The following ALLC variants were observed in gnomAD, a reference collection of about 807,000 sequenced individuals.
ALLC encodes probable inactive allantoicase.
ALLC carries 40 observed loss-of-function variants against 45.0 expected under a neutral mutation model. That is an observed-to-expected ratio of 0.89 (90% CI 0.69 to 1.16). The LOEUF (loss-of-function observed/expected upper bound fraction) is 1.16, where lower values mean the gene tolerates loss of function less well. Ranked by LOEUF, ALLC falls within the 50% of genes most tolerant of loss-of-function variation. The probability of loss-of-function intolerance (pLI) is 0.00; values close to 1 mark genes in which losing one functional copy is unlikely to be tolerated. For synonymous variants in ALLC, 176 were observed against 178.1 expected (o/e 0.99, Z 0.09); for missense variants, 488 against 493.1 (o/e 0.99, Z 0.10).
intron 1 of ALLC, among the ~76,000 whole-genome samples, chr2:3,664,892 AAAAC>A: frequency 6.6e-6 from 1 of 151,664 alleles, no homozygotes; most frequent in East Asian, 1.9e-4. Context: ...TCCAAAAAAA[AAAAC>A]AAAACCAAAA....
chr2:3,679,874 G>A lies in ALLC; in HGVS notation c.178G>A (p.Asp60Asn), dbSNP rs374089815. The A allele has an allele frequency of 1.2e-6, 2 of 1,613,884 alleles. No homozygotes were observed. The highest frequency in any genetic ancestry group is 1.7e-6 in the Non-Finnish European group (2 of 1,179,882). Residue 60 changes from aspartate (D) to asparagine (N), a missense_variant, in exon 5 of 12, where the codon GAC becomes AAC. By Grantham distance (23) the Asp-to-Asn change is conservative. Transcript: ENST00000252505. ...TTGTCCTCTGTGTTGCGCAGGTCACGACTGGTGTGTCCTCAGGCTGGGGAT... is the reference window on the plus strand; with the variant it reads ...TTGTCCTCTGTGTTGCGCAGGTCACAACTGGTGTGTCCTCAGGCTGGGGAT... ...ETRRKRIPGH[D>N]WCVLRLGIQG...
At chr2:3,647,073 T>C in the ALLC span, among the ~76,000 whole-genome samples, 1 of 151,950 alleles carries the variant, frequency 6.6e-6, no homozygotes, top group Admixed American at 6.6e-5. Context: ...GCACCCCTCA[T>C]CCCCCCATTG....
upstream of ALLC, among the ~76,000 whole-genome samples, chr2:3,656,204 G>A (rs769374766): frequency 5.9e-5 from 9 of 152,232 alleles, no homozygotes; most frequent in South Asian, 2.1e-4. Context: ...GGGAGGCCGG[G>A]GATGGCGGCA....
In ALLC at chr2:3,695,855, ACCCAAACAATATAATAGGTAAGATGAT is replaced by A; in HGVS notation, c.651_667+10del. On this transcript the variant is annotated splice_donor_variant and splice_donor_5th_base_variant and coding_sequence_variant and intron_variant, in exon 8 of 12. Transcript: ENST00000252505. LOFTEE classifies it high-confidence loss of function. ...GGATTTAGTAATGCTAAGTTTGGGC[ACCCAAACAATATAATAGGTAAGATGAT>A]ATTCTTGGAGCTGGCTTATTTAGGA... The A allele has an allele frequency of 6.2e-7, 1 of 1,611,092 alleles. No individual in the cohort carries two copies.
intron 7 of ALLC, among the ~76,000 whole-genome samples, chr2:3,692,355 T>C (rs903326746): frequency 2.4e-4 from 37 of 152,210 alleles, no homozygotes; most frequent in Admixed American, 2.4e-3. Flanking sequence ...ACACTAACGA[T>C]AGCTGATGAG....
In ALLC at chr2:3,701,592, A is replaced by T. The variant is rs1227243068; in HGVS notation, c.931A>T (p.Ile311Phe). The T allele has an allele frequency of 6.2e-7, 1 of 1,610,440 alleles. No homozygotes were observed. Among genetic ancestry groups the T allele is most frequent in the Admixed American group, 1.7e-5 (1 of 59,692 alleles). The part of the protein sequence containing the change: ...EEEAVIRQKW[I>F]LPAHKWKPLL... ...AGAAGCCGTGATCAGGCAAAAGTGGATTCTCCCGGCCCACAAGTGGAAACC... is the reference window on the plus strand; with the variant it reads ...AGAAGCCGTGATCAGGCAAAAGTGGTTTCTCCCGGCCCACAAGTGGAAACC... Residue 311 changes from isoleucine to phenylalanine, a missense_variant, in exon 11 of 12, where the codon ATT becomes TTT. Ile to Phe is a conservative substitution (Grantham distance 21, BLOSUM62 0). Transcript: ENST00000252505.
At chr2:3,663,259 A>G (rs1219679724) in intron 1 of ALLC, among the ~76,000 whole-genome samples, 2 of 152,236 alleles carry the variant, frequency 1.3e-5, no homozygotes, top group East Asian at 3.8e-4. Flanking sequence ...AGATGAGATC[A>G]TGTCCTTTGT....
chr2:3,682,267 G>C (rs1320869595), intron 6 of ALLC, among the ~76,000 whole-genome samples: 1 of 152,208 alleles, frequency 6.6e-6, no homozygotes, highest in Non-Finnish European at 1.5e-5. Context: ...CAGGCCAGCA[G>C]ATTTCCCCAG....
At chr2:3,668,254 C>T (rs1446435190) in intron 1 of ALLC, among the ~76,000 whole-genome samples, 1 of 152,114 alleles carries the variant, frequency 6.6e-6, no homozygotes, top group African/African-American at 2.4e-5. Context: ...AGCAAACACA[C>T]AGCTGTGTGG....
At chr2:3,702,222 A>C (rs1156580354) in intron 11 of ALLC, 141 bp from the exon 12 acceptor site, 3 of 641,168 alleles carry the variant, frequency 4.7e-6, no homozygotes, top group Non-Finnish European at 7.7e-6. Flanking sequence ...TTTCATGGAA[A>C]GCCCAATTAT....
At chr2:3,681,754 T>A in intron 6 of ALLC, 41 bp downstream of exon 6, 1 of 1,504,438 alleles carries the variant, frequency 6.6e-7, no homozygotes, top group Non-Finnish European at 9.1e-7. Context: ...TCACCAATTA[T>A]TAGGAGAGTA....
chr2:3,654,720 G>A (rs1399857581), upstream of ALLC, among the ~76,000 whole-genome samples: 1 of 152,222 alleles, frequency 6.6e-6, no homozygotes, highest in Non-Finnish European at 1.5e-5. Context: ...TGTCTTTTCT[G>A]CGTGTTTCCC....
At chr2:3,648,338 C>A in the ALLC span, among the ~76,000 whole-genome samples, 2 of 152,200 alleles carry the variant, frequency 1.3e-5, no homozygotes, top group Non-Finnish European at 2.9e-5. Flanking sequence ...TTCACATGCT[C>A]GAGGCTGCTC....
intron 3 of ALLC, 37 bp from the exon 4 acceptor site, chr2:3,678,431 A>T (rs1160703633): frequency 6.5e-7 from 1 of 1,533,568 alleles, no homozygotes; most frequent in Non-Finnish European, 9.0e-7. Context: ...AGATCACATG[A>T]ATGTTAATGA....
At chr2:3,666,190 G>A (rs1666720687) in intron 1 of ALLC, among the ~76,000 whole-genome samples, 1 of 152,238 alleles carries the variant, frequency 6.6e-6, no homozygotes, top group African/African-American at 2.4e-5. Flanking sequence ...ACCACAGGGG[G>A]GTGGCTGGGA....
chr2:3,653,288 T>C (rs1572497144), upstream of ALLC, among the ~76,000 whole-genome samples: 1 of 152,292 alleles, frequency 6.6e-6, no homozygotes, highest in East Asian at 1.9e-4. The surrounding 1 kb of genome is among the most constrained non-coding windows in gnomAD (Gnocchi z 4.1). Context: ...TGGAGTTCCA[T>C]TGCACAGGGG....
intron 1 of ALLC, among the ~76,000 whole-genome samples, chr2:3,666,186 G>A (rs910391627): frequency 6.6e-6 from 1 of 152,204 alleles, no homozygotes; most frequent in African/African-American, 2.4e-5. Context: ...TCCCACCACA[G>A]GGGGGTGGCT....
chr2:3,691,102 A>T (rs1369012945), intron 7 of ALLC, among the ~76,000 whole-genome samples: 1 of 152,124 alleles, frequency 6.6e-6, no homozygotes, highest in East Asian at 1.9e-4. Context: ...CTTGGATGGC[A>T]GTATTTTTTT....
Position 3,671,075 on chromosome 2 carries a change from G to C in ALLC, c.-62-21G>C, listed in dbSNP as rs1250912180. ...ACTCCCGCAGCCCCCAAGGTTGACC[G>C]AGCTGCCCTCTCCCTTCCAGGAAGC... On this transcript the variant is annotated intron_variant, in intron 1 of 11. Coordinates refer to ENST00000252505, the MANE Select transcript of ALLC (RefSeq NM_018436.4). 2.7e-6 allele frequency: 4 copies of C among 1,508,476 alleles called. No individual in the cohort carries two copies. The African/African-American group carries it at 4.1e-5, about 16-fold the overall frequency. The allele number at this position is 1,508,476 out of a possible 1,614,324, so 93.4% of individuals were successfully genotyped here.
Sources: allele counts gnomAD v4.1 joint callset (sites outside exome capture counted in the v4.1 genomes callset), GRCh38; gene constraint gnomAD v4.1.1; non-coding constraint Gnocchi (gnomAD v3.1); transcripts MANE v1.5; gene names NCBI Gene and HGNC (gene_info 2026-07-23, HGNC 2026-07-21).